Variants in UPK1B observed in about 807,000 individuals in gnomAD.
UPK1B encodes the protein uroplakin-1b.
UPK1B carries 28 observed loss-of-function variants against 34.2 expected under a neutral mutation model. The ratio of observed to expected loss-of-function variants is 0.82; its 90% CI spans 0.61 to 1.12. UPK1B has a LOEUF of 1.12. Among genes scored for constraint, UPK1B ranks in the 50% most tolerant of loss-of-function variants. UPK1B has a pLI of 0.00. For missense variants in UPK1B, 325 were observed against 320.9 expected, an observed-to-expected ratio of 1.01 and a Z score of -0.10; for synonymous variants, 81 against 110.4, an observed-to-expected ratio of 0.73 and a Z score of 1.67.
intron 1 of UPK1B, among the ~76,000 whole-genome samples, chr3:119,186,208 CT>C (rs2078018915): frequency 6.6e-6 from 1 of 152,140 alleles, no homozygotes. Flanking sequence ...CAACGGGGCA[CT>C]TTTTTATTTG....
At chr3:119,202,213 G>A (rs1302203187) in intron 7 of UPK1B, among the ~76,000 whole-genome samples, 2 of 152,216 alleles carry the variant, frequency 1.3e-5, no homozygotes, top group Non-Finnish European at 2.9e-5. Context: ...GAGAAATTCA[G>A]TGGGGCTCTC....
intron 1 of UPK1B, among the ~76,000 whole-genome samples, chr3:119,185,165 C>G (rs971349088): frequency 2.6e-5 from 4 of 152,264 alleles, no homozygotes; most frequent in Non-Finnish European, 5.9e-5. Context: ...AATTGAGTAC[C>G]CACTGTGTGC....
At chr3:119,201,043 A>AT (rs1474059054) in intron 7 of UPK1B, among the ~76,000 whole-genome samples, 1 of 152,082 alleles carries the variant, frequency 6.6e-6, no homozygotes, top group African/African-American at 2.4e-5. Context: ...TGGCTTTTTA[A>AT]ATTTTTTTTT....
chr3:119,189,822 G>A (rs2078036070), intron 3 of UPK1B, among the ~76,000 whole-genome samples: 1 of 152,228 alleles, frequency 6.6e-6, no homozygotes, highest in South Asian at 2.1e-4. Flanking sequence ...CAAAATTAAA[G>A]GGGATTTATG....
Position 119,187,944 on chromosome 3 carries a change from T to A in UPK1B, c.239T>A (p.Ile80Asn), listed in dbSNP as rs149411356. Residue 80 changes from isoleucine (I) to asparagine (N), a missense_variant, in exon 3 of 8, where the codon ATC becomes AAC. By Grantham distance (149) the Ile-to-Asn change is moderately radical. Transcript: ENST00000264234. ...FCLSVLGIVG[I>N]MKSSRKILLA... Reference sequence around the variant, plus strand: ...CTGTCTGTTCTAGGCATTGTAGGCATCATGAAGTCCAGCAGGAAAATTCTT... The same window carrying A: ...CTGTCTGTTCTAGGCATTGTAGGCAACATGAAGTCCAGCAGGAAAATTCTT... The A allele has an allele frequency of 1.5e-4, 244 of 1,614,048 alleles. No individual in the cohort carries two copies. The highest frequency in any genetic ancestry group is 2.0e-4 in the Non-Finnish European group (235 of 1,180,030).
intron 7 of UPK1B, among the ~76,000 whole-genome samples, chr3:119,199,696 T>A (rs1242838651): frequency 6.6e-6 from 1 of 152,218 alleles, no homozygotes; most frequent in Non-Finnish European, 1.5e-5. Context: ...GATCCCAACC[T>A]CTGAGACTTC....
intron 1 of UPK1B, among the ~76,000 whole-genome samples, chr3:119,185,073 A>G (rs1440207306): frequency 6.6e-6 from 1 of 152,262 alleles, no homozygotes; most frequent in Non-Finnish European, 1.5e-5. Flanking sequence ...ATTTCTAAGC[A>G]GAAAGAAATG....
chr3:119,186,044 C>T (rs1252913945), intron 1 of UPK1B, among the ~76,000 whole-genome samples: 2 of 152,138 alleles, frequency 1.3e-5, no homozygotes, highest in Non-Finnish European at 1.5e-5. Flanking sequence ...CTTTAGTTTC[C>T]TCATCTGCAA....
At chr3:119,186,657 G>C (rs575227141) in intron 1 of UPK1B, 57 bp from the exon 2 acceptor site, 1 of 1,402,466 alleles carries the variant, frequency 7.1e-7, no homozygotes, top group East Asian at 2.3e-5. Flanking sequence ...ATACGCAATG[G>C]CTTGGTTTAC....
In UPK1B at chr3:119,204,003, T is replaced by TG; in HGVS notation, c.*37dup. 6.2e-7 allele frequency: 1 copy of TG among 1,610,060 alleles called. No homozygotes were observed. Among genetic ancestry groups the TG allele is most frequent in the Non-Finnish European group, 8.5e-7 (1 of 1,177,398 alleles). ...TTGCCACCATACCTCCTTCCCCGAGTGACTCTGGATTTGGTGCTGGAACCA... is the reference window on the plus strand; with the variant it reads ...TTGCCACCATACCTCCTTCCCCGAGTGGACTCTGGATTTGGTGCTGGAACCA... On this transcript the variant is annotated 3_prime_UTR_variant, in exon 8 of 8. Transcript: ENST00000264234.
intron 3 of UPK1B, 119 bp from the exon 4 acceptor site, chr3:119,190,126 T>G (rs2078037249): frequency 1.4e-6 from 1 of 724,690 alleles, no homozygotes; most frequent in African/African-American, 1.8e-5. Flanking sequence ...GTTTGTTGAA[T>G]AACTACATGA....
At chr3:119,179,328 G>A (rs1273994689) in intron 1 of UPK1B, among the ~76,000 whole-genome samples, 1 of 129,070 alleles carries the variant, frequency 7.7e-6, no homozygotes, top group Non-Finnish European at 1.6e-5. Context: ...TGTTGAGAGA[G>A]AGAGAGGGAG....
At position 119,190,962 on chromosome 3, in the gene UPK1B, G is replaced by T; in HGVS notation, c.346-20G>T. The T allele has an allele frequency of 6.2e-7, 1 of 1,612,664 alleles. No homozygotes were observed. On this transcript the variant is annotated intron_variant, in intron 4 of 7. Coordinates refer to ENST00000264234, the MANE Select transcript of UPK1B (RefSeq NM_006952.4). ...TTAGCGTGCTATCTCTCCCTCTTGTGTTGCCTCTTCCTACTATAGTTCACA... is the reference window on the plus strand; with the variant it reads ...TTAGCGTGCTATCTCTCCCTCTTGTTTTGCCTCTTCCTACTATAGTTCACA...
At chr3:119,179,397 ATT>A (rs1491470131) in intron 1 of UPK1B, among the ~76,000 whole-genome samples, 4,975 of 61,024 alleles carry the variant, frequency 0.082, 484 homozygotes, top group South Asian at 0.13. Flanking sequence ...ATATATATAT[ATT>A]AATTCTAAGG....
chr3:119,187,816 A>G lies in UPK1B; in HGVS notation c.111A>G (p.Val37=). ...IALTAECIFF[V]SDQHSLYPLL... is the part of the protein sequence containing the mutation. ...TGACTGCGGAGTGCATCTTCTTTGT[A>G]TCTGACCAACACAGCCTCTACCCAC... The change falls in exon 3 of 8, where the codon GTA becomes GTG. Residue 37 remains valine, a synonymous_variant. Coordinates refer to ENST00000264234, the MANE Select transcript of UPK1B (RefSeq NM_006952.4). 1 of 1,611,600 alleles carries G rather than the reference A, an allele frequency of 6.2e-7. No individual in the cohort carries two copies. The highest frequency in any genetic ancestry group is 1.7e-4 in the Middle Eastern group (1 of 6,058).
intron 5 of UPK1B, among the ~76,000 whole-genome samples, chr3:119,193,144 G>A (rs1356978268): frequency 6.6e-6 from 1 of 152,134 alleles, no homozygotes; most frequent in South Asian, 2.1e-4. Context: ...CCTCTGCTGG[G>A]TTGTCACTCT....
At chr3:119,185,633 C>G (rs1222310408) in intron 1 of UPK1B, among the ~76,000 whole-genome samples, 1 of 152,200 alleles carries the variant, frequency 6.6e-6, no homozygotes, top group African/African-American at 2.4e-5. Context: ...TCCCTACTAA[C>G]GCAAAAAATC....
chr3:119,203,803 CAAAA>C (rs55795433), intron 7 of UPK1B, 110 bp from the exon 8 acceptor site: 65 of 1,083,714 alleles, frequency 6.0e-5, no homozygotes, highest in Admixed American at 5.6e-4. Flanking sequence ...AACAAACAAA[CAAAA>C]AAATCTGTTG....
intron 5 of UPK1B, among the ~76,000 whole-genome samples, chr3:119,192,787 C>A (rs2078049940): frequency 6.6e-6 from 1 of 152,168 alleles, no homozygotes; most frequent in Admixed American, 6.5e-5. Flanking sequence ...CTGCTCTGAT[C>A]TGCCTCATCA....
Sources: gnomAD v4.1 joint callset for allele counts (sites outside exome capture counted in the v4.1 genomes callset) on GRCh38, gnomAD v4.1.1 for gene constraint, MANE v1.5 for transcripts, NCBI Gene and HGNC (gene_info 2026-07-23, HGNC 2026-07-21) for gene names.